Variants in KHDRBS2 observed in about 807,000 individuals in gnomAD.
The protein encoded by KHDRBS2 is KH domain-containing, RNA-binding, signal transduction-associated protein 2.
Under a neutral mutation model 44.3 loss-of-function variants are expected in KHDRBS2, and 26 were observed. The ratio of observed to expected loss-of-function variants is 0.59; its 90% CI spans 0.43 to 0.81. KHDRBS2 has a LOEUF of 0.81. KHDRBS2 is among the 40% of genes least tolerant of loss of function. KHDRBS2 has a pLI of 0.00. For missense variants in KHDRBS2, 476 were observed against 433.1 expected, an observed-to-expected ratio of 1.10 and a Z score of -0.88; for synonymous variants, 194 against 151.1, an observed-to-expected ratio of 1.28 and a Z score of -2.08.
At chr6:61,788,971 T>C (rs949417490) in intron 6 of KHDRBS2, among the ~76,000 whole-genome samples, 21 of 151,408 alleles carry the variant, frequency 1.4e-4, no homozygotes, top group African/African-American at 5.1e-4. Context: ...ATTTCCAAAC[T>C]GAAAATTCTA....
At chr6:61,563,719 T>A in the KHDRBS2 span, among the ~76,000 whole-genome samples, 4 of 152,058 alleles carry the variant, frequency 2.6e-5, no homozygotes, top group African/African-American at 9.7e-5. Context: ...TTATACAAAA[T>A]GTGTAGTCAT....
intron 6 of KHDRBS2, among the ~76,000 whole-genome samples, chr6:61,848,471 ATATATATATATATATATATG>A (rs1794748401): frequency 1.1e-4 from 5 of 47,004 alleles, no homozygotes; most frequent in Non-Finnish European, 1.9e-4. Context: ...TGGAGGTTTT[ATATATATATATATATATATG>A]TATATATATA....
chr6:62,253,341 C>A (rs1293232964), intron 1 of KHDRBS2, among the ~76,000 whole-genome samples: 6 of 151,980 alleles, frequency 3.9e-5, no homozygotes, highest in Non-Finnish European at 5.9e-5. Context: ...CACAAAATTA[C>A]AGACTGTCCT....
intron 2 of KHDRBS2, among the ~76,000 whole-genome samples, chr6:62,067,066 T>C (rs1169900616): frequency 2.0e-5 from 3 of 151,464 alleles, no homozygotes; most frequent in South Asian, 4.2e-4. Context: ...CAGCAAACTG[T>C]TTAGTATCTC....
chr6:61,846,604 C>A (rs1447257958), intron 6 of KHDRBS2, among the ~76,000 whole-genome samples: 1 of 152,060 alleles, frequency 6.6e-6, no homozygotes. Flanking sequence ...AAATGATTTG[C>A]AAATACAAAT....
Position 61,680,872 on chromosome 6 carries a change from A to G in KHDRBS2, c.*91T>C, listed in dbSNP as rs1766219261. On this transcript the variant is annotated 3_prime_UTR_variant, in exon 9 of 9. Coordinates refer to ENST00000281156, the MANE Select transcript of KHDRBS2 (RefSeq NM_152688.4). ...CCCTAGAATAGAAACAAACAAACAA[A>G]AAAAGGACTATTACTTGTCTTGTTG... 1.3e-6 allele frequency: 1 copy of G among 742,904 alleles called. No individual in the cohort carries two copies. The highest frequency in any genetic ancestry group is 2.6e-5 in the Admixed American group (1 of 38,580). 46.0% of individuals were successfully genotyped at this position (742,904 alleles called of 1,614,324 possible).
chr6:61,814,571 A>T (rs1788617672), intron 6 of KHDRBS2, among the ~76,000 whole-genome samples: 1 of 152,098 alleles, frequency 6.6e-6, no homozygotes. Flanking sequence ...GCACCATGGC[A>T]CTCCAGCCTG....
intron 3 of KHDRBS2, among the ~76,000 whole-genome samples, chr6:62,002,210 G>C: frequency 6.6e-6 from 1 of 151,754 alleles, no homozygotes; most frequent in East Asian, 1.9e-4. Context: ...TTCCACCAAA[G>C]GTGTTTGATA....
chr6:62,247,094 T>A (rs1317607692), intron 1 of KHDRBS2, among the ~76,000 whole-genome samples: 2 of 151,962 alleles, frequency 1.3e-5, no homozygotes, highest in African/African-American at 4.8e-5. Flanking sequence ...AAATAGTAAC[T>A]CTTTGGTCTC....
At chr6:61,914,012 T>C (rs1338685235) in intron 4 of KHDRBS2, among the ~76,000 whole-genome samples, 1 of 152,058 alleles carries the variant, frequency 6.6e-6, no homozygotes, top group Admixed American at 6.6e-5. Context: ...CTAAGGAATA[T>C]TTAAGATGGA....
intron 6 of KHDRBS2, among the ~76,000 whole-genome samples, chr6:61,876,705 A>T (rs1799458507): frequency 6.6e-6 from 1 of 152,046 alleles, no homozygotes. Flanking sequence ...AGGAGCTTGA[A>T]ATCAAAAATA....
At chr6:61,644,363 A>C in the KHDRBS2 span, among the ~76,000 whole-genome samples, 2 of 152,192 alleles carry the variant, frequency 1.3e-5, no homozygotes, top group Non-Finnish European at 2.9e-5. Context: ...CTGGAAGACA[A>C]CTTAGGCAAT....
intron 1 of KHDRBS2, among the ~76,000 whole-genome samples, chr6:62,217,745 G>A (rs1444137431): frequency 6.6e-6 from 1 of 151,606 alleles, no homozygotes; most frequent in Non-Finnish European, 1.5e-5. Context: ...ATAATTATGA[G>A]GACTTATGTT....
rs778371723 is a variant in KHDRBS2, at chr6:61,978,190, C to A, written c.359G>T (p.Gly120Val). 1 of 1,606,210 alleles carries A rather than the reference C, an allele frequency of 6.2e-7. No individual in the cohort carries two copies. Among genetic ancestry groups the A allele is most frequent in the Admixed American group, 1.7e-5 (1 of 58,266 alleles). Residue 120 changes from glycine (G) to valine (V), a missense_variant, in exon 4 of 9, where the codon GGG (glycine) becomes GTG (valine). Transcript: ENST00000281156. ...KAKEEELRKS[G>V]EAKYAHLSDE... ...ACTCAAGTGGGCATATTTGGCTTCC[C>A]CACTCTTCCTTAGTTCTTCTTCCTG...
At chr6:61,610,928 G>A in the KHDRBS2 span, among the ~76,000 whole-genome samples, 1 of 152,082 alleles carries the variant, frequency 6.6e-6, no homozygotes, top group African/African-American at 2.4e-5. Context: ...GGACCATTCT[G>A]GAAATACTTG....
intron 6 of KHDRBS2, among the ~76,000 whole-genome samples, chr6:61,848,540 TGTATATATATAC>T (rs1794902828): frequency 1.5e-4 from 8 of 54,662 alleles, no homozygotes; most frequent in South Asian, 6.5e-4. Flanking sequence ...TACATATATA[TGTATATATATAC>T]ATATATATAT....
chr6:61,860,072 A>G (rs936896296), intron 6 of KHDRBS2, among the ~76,000 whole-genome samples: 1 of 151,922 alleles, frequency 6.6e-6, no homozygotes, highest in Non-Finnish European at 1.5e-5. Context: ...TGAAATTACA[A>G]GAGCTCCTAG....
intron 6 of KHDRBS2, among the ~76,000 whole-genome samples, chr6:61,779,257 T>C (rs1463744672): frequency 6.6e-6 from 1 of 152,176 alleles, no homozygotes; most frequent in East Asian, 1.9e-4. Flanking sequence ...CTTCCTAACA[T>C]CTGAAGTCCC....
At chr6:61,758,109 G>T (rs1037291872) in intron 6 of KHDRBS2, among the ~76,000 whole-genome samples, 5 of 152,042 alleles carry the variant, frequency 3.3e-5, no homozygotes, top group African/African-American at 1.2e-4. Flanking sequence ...AATTCAGGAA[G>T]TTTCCCAAGC....
Sources: gnomAD v4.1 joint callset for allele counts (sites outside exome capture counted in the v4.1 genomes callset) on GRCh38, gnomAD v4.1.1 for gene constraint, MANE v1.5 for transcripts, NCBI Gene and HGNC (gene_info 2026-07-23, HGNC 2026-07-21) for gene names.